The following HGF variants were observed in gnomAD, a reference collection of about 807,000 sequenced individuals.
HGF encodes fibroblast-derived tumor cytotoxic factor.
A neutral mutation model predicts 111.6 loss-of-function variants in HGF; 39 were observed. The observed-to-expected ratio is 0.35, with a 90% CI of 0.27 to 0.46. The LOEUF (loss-of-function observed/expected upper bound fraction) is 0.46. HGF is among the 20% of genes least tolerant of loss of function. HGF has a pLI of 1.00. For synonymous variants in HGF, 285 were observed against 294.8 expected (o/e 0.97, Z 0.34); for missense variants, 735 against 910.5 (o/e 0.81, Z 2.48).
At position 81,736,083 on chromosome 7, in the gene HGF, C is replaced by G. The variant is rs900474007; in HGVS notation, c.866-6304G>C. Among the ~76,000 whole-genome samples, 8 of 151,954 alleles carry G rather than the reference C, an allele frequency of 5.3e-5. 1 individual carries two copies. Among genetic ancestry groups the G allele is most frequent in the Admixed American group, 2.6e-4 (4 of 15,234 alleles). Reference sequence around the variant, plus strand: ...TCCAGAGCAATACCTCGAATAGACACCTTAGTTATCAAAGATCTACCCACG... The same window carrying G: ...TCCAGAGCAATACCTCGAATAGACAGCTTAGTTATCAAAGATCTACCCACG... On this transcript the variant is annotated intron_variant, in intron 7 of 17. Coordinates refer to ENST00000222390, the MANE Select transcript of HGF (RefSeq NM_000601.6).
intron 7 of HGF, among the ~76,000 whole-genome samples, chr7:81,734,915 A>G (rs1787776600): frequency 6.6e-6 from 1 of 152,144 alleles, no homozygotes; most frequent in African/African-American, 2.4e-5. Context: ...ATAGCTAAGA[A>G]TAAGTCAATT....
chr7:81,717,230 A>T lies in HGF; in HGVS notation c.1405+2T>A. 1 of 1,613,374 alleles carries T rather than the reference A, an allele frequency of 6.2e-7. No individual in the cohort carries two copies. The highest frequency in any genetic ancestry group is 8.5e-7 in the Non-Finnish European group (1 of 1,179,350). On this transcript the variant is annotated splice_donor_variant, in intron 11 of 17. Transcript: ENST00000222390. LOFTEE classifies it high-confidence loss of function. ...AAGACACCAATCCCTAACTGTACTT[A>T]CAACGAGAAATAGGGCAATAATCCC...
Position 81,714,772 on chromosome 7 carries a change from T to C in HGF, c.1405+2460A>G, listed in dbSNP as rs182625214. The stretch of plus-strand genomic sequence containing the variant: ...TACAGTGTGAAAATGATTTATACAG[T>C]CTCTGCAGTTATATAAATAATAAGA... On this transcript the variant is annotated intron_variant, in intron 11 of 17. Transcript: ENST00000222390. 1.9e-3 allele frequency among the ~76,000 whole-genome samples: 291 copies of C among 152,176 alleles called. 1 individual carries two copies. Among genetic ancestry groups the C allele is most frequent in the African/African-American group, 6.7e-3 (279 of 41,542 alleles).
intron 13 of HGF, among the ~76,000 whole-genome samples, chr7:81,709,545 T>G (rs1234503546): frequency 1.3e-5 from 2 of 152,140 alleles, no homozygotes; most frequent in East Asian, 3.9e-4. Context: ...GCAAAGTGAT[T>G]TTATGTAGAA....
chr7:81,734,928 T>C (rs978668573), intron 7 of HGF, among the ~76,000 whole-genome samples: 14 of 152,142 alleles, frequency 9.2e-5, no homozygotes, highest in African/African-American at 3.4e-4. Flanking sequence ...AGTCAATTCA[T>C]AGGCTGGTAG....
At chr7:81,740,274 G>A (rs189813978) in intron 7 of HGF, among the ~76,000 whole-genome samples, 2 of 152,266 alleles carry the variant, frequency 1.3e-5, no homozygotes, top group African/African-American at 4.8e-5. Context: ...AACCCAGAAT[G>A]AGTTCAGCTG....
At chr7:81,710,832 T>G (rs1789553469) in intron 12 of HGF, among the ~76,000 whole-genome samples, 1 of 152,182 alleles carries the variant, frequency 6.6e-6, no homozygotes, top group Non-Finnish European at 1.5e-5. Flanking sequence ...TCCTCTGTGC[T>G]CCTCGCCTTA....
intron 2 of HGF, 42 bp downstream of exon 2, chr7:81,762,665 A>G (rs376844336): frequency 3.6e-6 from 5 of 1,391,976 alleles, no homozygotes; most frequent in East Asian, 2.3e-5. Flanking sequence ...CATGCATGCT[A>G]TATTTGGAAA....
intron 4 of HGF, among the ~76,000 whole-genome samples, chr7:81,752,850 A>G (rs941122598): frequency 4.6e-5 from 7 of 152,044 alleles, no homozygotes; most frequent in Non-Finnish European, 1.0e-4. Context: ...CTCTCAGCCT[A>G]TTAGCTTACC....
intron 13 of HGF, 125 bp from the exon 14 acceptor site, chr7:81,707,489 C>A (rs1789458919): frequency 1.5e-6 from 1 of 670,106 alleles, no homozygotes; most frequent in Non-Finnish European, 2.7e-6. Context: ...TAGAAATTAA[C>A]CCAACTGGAA....
Position 81,700,792 on chromosome 7 carries a change from T to C in HGF, c.*1789A>G, listed in dbSNP as rs1363450995. 6.6e-6 allele frequency: 1 copy of C among 151,642 alleles called. No homozygotes were observed. The highest frequency in any genetic ancestry group is 2.1e-4 in the South Asian group (1 of 4,826). 9.4% of individuals were successfully genotyped at this position (151,642 alleles called of 1,614,324 possible). ...CTTTAAGTTTCTTGATGCCAGCACA[T>C]ATCTTATTATGAAAAAAAAATTGTA... On this transcript the variant is annotated 3_prime_UTR_variant, in exon 18 of 18. Coordinates refer to ENST00000222390, the MANE Select transcript of HGF (RefSeq NM_000601.6).
chr7:81,718,829 C>T (rs1277022396), intron 10 of HGF, among the ~76,000 whole-genome samples: 2 of 152,108 alleles, frequency 1.3e-5, no homozygotes, highest in East Asian at 1.9e-4. Flanking sequence ...TTTTGAAAGA[C>T]GATGAGAACA....
chr7:81,744,907 CATAAT>C (rs1227331810), intron 6 of HGF, 88 bp downstream of exon 6: 3 of 1,382,680 alleles, frequency 2.2e-6, no homozygotes, highest in East Asian at 2.3e-5. Flanking sequence ...ATCGGGAAAA[CATAAT>C]ATAAAGAGAA....
rs1789397172 is a variant in HGF at position 81,705,469 on chromosome 7, T to A, written c.1931A>T (p.Gln644Leu). ...LYIMGNEKCS[Q>L]HHRGKVTLNE... Reference sequence around the variant, plus strand: ...CAGAGTCACCTTCCCTCGATGATGCTGGCTGCATTTCTCATTTCCCATTAT... The same window carrying A: ...CAGAGTCACCTTCCCTCGATGATGCAGGCTGCATTTCTCATTTCCCATTAT... The change falls in exon 17 of 18, where the codon CAG becomes CTG. Residue 644 changes from glutamine to leucine, a missense_variant. By Grantham distance (113) the Gln-to-Leu change is moderately radical (BLOSUM62 -2). This residue lies in a region of HGF where 130 missense variants were observed against 129.9 expected (regional missense o/e 1.00). Transcript: ENST00000222390. The A allele has an allele frequency of 6.2e-7, 1 of 1,612,828 alleles. No homozygotes were observed. Among genetic ancestry groups the A allele is most frequent in the Non-Finnish European group, 8.5e-7 (1 of 1,179,080 alleles).
At chr7:81,708,742 C>T (rs1464625030) in intron 13 of HGF, among the ~76,000 whole-genome samples, 1 of 151,494 alleles carries the variant, frequency 6.6e-6, no homozygotes, top group Non-Finnish European at 1.5e-5. Flanking sequence ...CACACCCAGC[C>T]TCTTGAAAGA....
chr7:81,742,671 T>C, intron 7 of HGF: 1 of 1,278,122 alleles, frequency 7.8e-7, no homozygotes, highest in Non-Finnish European at 1.0e-6. Context: ...AGTTCACAGA[T>C]TGAAAGGAAC....
intron 1 of HGF, among the ~76,000 whole-genome samples, chr7:81,768,434 C>T (rs1014389193): frequency 6.6e-6 from 1 of 152,092 alleles, no homozygotes; most frequent in Non-Finnish European, 1.5e-5. Context: ...GGCTGAAGTG[C>T]GGTGACACAA....
chr7:81,727,048 T>TG (rs1790031792), intron 8 of HGF, among the ~76,000 whole-genome samples: 1 of 60,760 alleles, frequency 1.6e-5, no homozygotes, highest in East Asian at 6.7e-4. Context: ...GTTTTTTTTT[T>TG]GTTTTTTTTT....
intron 10 of HGF, among the ~76,000 whole-genome samples, chr7:81,718,602 A>G (rs1164319624): frequency 6.6e-6 from 1 of 152,194 alleles, no homozygotes; most frequent in East Asian, 1.9e-4. Flanking sequence ...TTGATGAATT[A>G]AGTATTATTA....
Sources: allele counts gnomAD v4.1 joint callset (sites outside exome capture counted in the v4.1 genomes callset), GRCh38; gene constraint gnomAD v4.1.1; regional missense constraint gnomAD v4.1.1; transcripts MANE v1.5; gene names NCBI Gene and HGNC (gene_info 2026-07-23, HGNC 2026-07-21).